DYNC2H1: variants seen among roughly 807,000 people sequenced by gnomAD.
DYNC2H1 encodes the protein dynein cytoplasmic 2 heavy chain 1.
In DYNC2H1, 410 loss-of-function variants were observed where a neutral mutation model predicts 570.0. That is an observed-to-expected ratio of 0.72 (90% confidence interval 0.66 to 0.78). The LOEUF (loss-of-function observed/expected upper bound fraction) is 0.78, where lower values mean the gene tolerates loss of function less well. Among genes scored for constraint, DYNC2H1 ranks in the 30% least tolerant of loss-of-function variants. The pLI, the probability that DYNC2H1 is intolerant of heterozygous loss-of-function variation, is 0.00. For missense variants in DYNC2H1, 4,865 were observed against 5,046.4 expected, an observed-to-expected ratio of 0.96 and a Z score of 1.09; for synonymous variants, 1,688 against 1,677.6, an observed-to-expected ratio of 1.01 and a Z score of -0.15.
intron 85 of DYNC2H1, among the ~76,000 whole-genome samples, chr11:103,443,690 C>G (rs920769040): frequency 6.6e-6 from 1 of 151,568 alleles, no homozygotes; most frequent in African/African-American, 2.4e-5. Flanking sequence ...AGATTCAAAA[C>G]CTCAACAGGA....
intron 84 of DYNC2H1, among the ~76,000 whole-genome samples, chr11:103,416,097 C>T (rs1397032417): frequency 6.6e-6 from 1 of 152,092 alleles, no homozygotes; most frequent in Non-Finnish European, 1.5e-5. Context: ...GGGAATTGAA[C>T]ATTGAAATCA....
chr11:103,123,738 G>A (rs139545053), intron 11 of DYNC2H1, among the ~76,000 whole-genome samples: 4 of 152,124 alleles, frequency 2.6e-5, no homozygotes, highest in East Asian at 1.9e-4. Context: ...GCATACCAAC[G>A]GTCTGAGATC....
In DYNC2H1 at chr11:103,204,841, T is replaced by A; in HGVS notation, c.8331T>A (p.His2777Gln). 6.3e-7 allele frequency: 1 copy of A among 1,587,938 alleles called. No homozygotes were observed. The highest frequency in any genetic ancestry group is 8.6e-7 in the Non-Finnish European group (1 of 1,165,708). The change falls in exon 52 of 89, where the codon CAT (histidine) becomes CAA (glutamine). Residue 2777 changes from histidine (H) to glutamine (Q), a missense_variant. Transcript: ENST00000375735. This position sits in a 1 kb window ranked among gnomAD's most constrained non-coding sequence, Gnocchi z 4.1. ...TCTTAGGAATTCAGCAAAACTTGCA[T>A]ATTGTCTTGATAATGGATTCTGCAA... ...YFTYRIQQNL[H>Q]IVLIMDSANS...
chr11:103,471,165 A>G (rs1448182555), intron 88 of DYNC2H1, among the ~76,000 whole-genome samples: 1 of 152,186 alleles, frequency 6.6e-6, no homozygotes, highest in Non-Finnish European at 1.5e-5. Context: ...TCTGATGGCC[A>G]GTGATGATAT....
chr11:103,159,848 A>G (rs1418593472), intron 28 of DYNC2H1, among the ~76,000 whole-genome samples: 8 of 152,108 alleles, frequency 5.3e-5, no homozygotes, highest in Admixed American at 4.6e-4. Flanking sequence ...CTGGCTCACT[A>G]CTTGTTGTTT....
chr11:103,193,090 A>C (rs539862300), intron 47 of DYNC2H1, among the ~76,000 whole-genome samples: 13 of 152,238 alleles, frequency 8.5e-5, no homozygotes, highest in Non-Finnish European at 1.8e-4. Context: ...CCTAAAGGGA[A>C]CTTCGAGGGT....
At chr11:103,475,594 T>C (rs1033238669) in intron 88 of DYNC2H1, among the ~76,000 whole-genome samples, 19 of 152,158 alleles carry the variant, frequency 1.2e-4, no homozygotes, top group Non-Finnish European at 1.2e-4. Flanking sequence ...GAAGTAACAT[T>C]TACCACTGAA....
intron 85 of DYNC2H1, among the ~76,000 whole-genome samples, chr11:103,441,480 C>G (rs1944266703): frequency 6.6e-6 from 1 of 151,896 alleles, no homozygotes. Flanking sequence ...TATTCTGCCA[C>G]TAAAAAGAAA....
At chr11:103,358,194 T>C in intron 82 of DYNC2H1, 49 bp from the exon 83 acceptor site, 1 of 1,102,150 alleles carries the variant, frequency 9.1e-7, no homozygotes, top group South Asian at 1.6e-5. Flanking sequence ...TTCTTCCTGT[T>C]CGGCTGAAGT....
rs373387287 is a variant in DYNC2H1 at position 103,136,613 on chromosome 11, TC to T, written c.2574+666del. Among the ~76,000 whole-genome samples, 31 of 152,362 alleles carry T rather than the reference TC, an allele frequency of 2.0e-4. 1 individual carries two copies. Among genetic ancestry groups the T allele is most frequent in the East Asian group, 1.2e-3 (6 of 5,192 alleles). ...GTGTATATGTGCCACATTTTCTTAA[TC>T]AAGTCTATCATTGTTGGACATTTGG... On this transcript the variant is annotated intron_variant, in intron 17 of 88. Transcript: ENST00000375735.
chr11:103,223,269 G>A (rs538575566), intron 59 of DYNC2H1, among the ~76,000 whole-genome samples, 183 bp downstream of exon 59: 94 of 152,182 alleles, frequency 6.2e-4, no homozygotes, highest in Non-Finnish European at 1.2e-3. Flanking sequence ...GCAATTAGAA[G>A]GAGAGAGAAG....
chr11:103,304,816 G>GAC (rs1276185177), intron 77 of DYNC2H1, 96 bp downstream of exon 77: 1 of 1,210,984 alleles, frequency 8.3e-7, no homozygotes, highest in Non-Finnish European at 1.1e-6. Flanking sequence ...TATTTATGAT[G>GAC]ATTTAAAAAG....
chr11:103,290,771 T>C (rs1319369676), intron 75 of DYNC2H1, among the ~76,000 whole-genome samples: 2 of 152,218 alleles, frequency 1.3e-5, no homozygotes, highest in African/African-American at 4.8e-5. Flanking sequence ...TTTTAATTTC[T>C]GCATGTGTGT....
chr11:103,409,758 T>TC lies in DYNC2H1; in HGVS notation c.12366+9886_12366+9887insC, dbSNP rs200850846. The TC allele has an allele frequency of 3.8e-3, 579 of 153,982 alleles. 4 individuals are homozygous for TC. Among genetic ancestry groups the TC allele is most frequent in the African/African-American group, 0.013 (555 of 41,558 alleles). 9.5% of individuals were successfully genotyped at this position (153,982 alleles called of 1,614,324 possible). A position where few individuals can be genotyped will look rare whatever the true frequency, so the allele number is the denominator to read the frequency against. On this transcript the variant is annotated intron_variant, in intron 84 of 88. Coordinates refer to ENST00000375735, the MANE Select transcript of DYNC2H1 (RefSeq NM_001377.3). ...CCCACTATTTTGCCACATAGGTAGGTGTGCTCTTCAGCTGTTCTTGGGTAG... is the reference window on the plus strand; with the variant it reads ...CCCACTATTTTGCCACATAGGTAGGTCGTGCTCTTCAGCTGTTCTTGGGTAG...
chr11:103,377,224 C>T (rs982952436), intron 83 of DYNC2H1, among the ~76,000 whole-genome samples: 6 of 152,140 alleles, frequency 3.9e-5, no homozygotes, highest in Non-Finnish European at 8.8e-5. Flanking sequence ...TGTCTCTTCT[C>T]CCTCTTGCAC....
intron 31 of DYNC2H1, among the ~76,000 whole-genome samples, chr11:103,167,290 C>T (rs1173730643): frequency 6.7e-6 from 1 of 150,300 alleles, no homozygotes; most frequent in Non-Finnish European, 1.5e-5. Flanking sequence ...AGGGCGGGGA[C>T]AGGTTCTTGC....
intron 40 of DYNC2H1, among the ~76,000 whole-genome samples, chr11:103,184,640 G>T (rs546829691): frequency 6.6e-6 from 1 of 151,938 alleles, no homozygotes; most frequent in South Asian, 2.1e-4. Context: ...TTCAGGTTTA[G>T]GAAGTAAATA....
chr11:103,380,565 T>G (rs1941602438), intron 83 of DYNC2H1, among the ~76,000 whole-genome samples: 1 of 152,094 alleles, frequency 6.6e-6, no homozygotes, highest in Non-Finnish European at 1.5e-5. Flanking sequence ...ATGAGGAATT[T>G]TTTTTGTTTT....
Position 103,192,343 on chromosome 11 carries a change from A to G in DYNC2H1, c.7708+79A>G, listed in dbSNP as rs147305881. On this transcript the variant is annotated intron_variant, in intron 47 of 88. Coordinates refer to ENST00000375735, the MANE Select transcript of DYNC2H1 (RefSeq NM_001377.3). ...TTTTTCTTACCCAGAGCATGATTTT[A>G]TAGGTCTAAACAAATAAAAACTTTG... The G allele has an allele frequency of 1.3e-4, 143 of 1,067,464 alleles. No individual in the cohort carries two copies. In the East Asian group the frequency reaches 3.5e-3, roughly 26 times the overall value. The allele number at this position is 1,067,464 out of a possible 1,614,324, so 66.1% of individuals were successfully genotyped here.
Sources: gnomAD v4.1 joint callset for allele counts (sites outside exome capture counted in the v4.1 genomes callset) on GRCh38, gnomAD v4.1.1 for gene constraint, Gnocchi (gnomAD v3.1) non-coding constraint, MANE v1.5 for transcripts, NCBI Gene and HGNC (gene_info 2026-07-23, HGNC 2026-07-21) for gene names.